The following CA10 variants were observed in gnomAD, a reference collection of about 807,000 sequenced individuals.
The protein encoded by CA10 is carbonic anhydrase 10 (inactive), also known as carbonic anhydrase-related protein 10.
CA10 carries 14 observed loss-of-function variants against 44.2 expected under a neutral mutation model. The ratio of observed to expected loss-of-function variants is 0.32; its 90% CI spans 0.21 to 0.50. The LOEUF (loss-of-function observed/expected upper bound fraction) is 0.50. Ranked by LOEUF, CA10 falls within the 20% of genes least tolerant of loss-of-function variation. The pLI is 0.99. For synonymous variants in CA10, 159 were observed against 141.6 expected, an observed-to-expected ratio of 1.12 and a Z score of -0.87; for missense variants, 350 against 409.7, an observed-to-expected ratio of 0.85 and a Z score of 1.26.
chr17:51,978,094 T>C (rs1308232946), intron 2 of CA10, among the ~76,000 whole-genome samples: 1 of 152,148 alleles, frequency 6.6e-6, no homozygotes, highest in Non-Finnish European at 1.5e-5. Context: ...AAGTCTTTTA[T>C]CTTTAAATAG....
chr17:51,727,596 TA>T (rs1046643847), intron 4 of CA10, among the ~76,000 whole-genome samples: 1 of 152,190 alleles, frequency 6.6e-6, no homozygotes, highest in Non-Finnish European at 1.5e-5. Context: ...TCTCCTATTC[TA>T]AAAATCAAAA....
At chr17:51,633,780 C>G (rs1467980636) in intron 7 of CA10, 130 bp from the exon 8 acceptor site, 3 of 937,622 alleles carry the variant, frequency 3.2e-6, no homozygotes, top group Admixed American at 2.9e-5. Context: ...ATAAGCCCCA[C>G]AGAGTCCCTT....
intron 3 of CA10, among the ~76,000 whole-genome samples, chr17:51,844,608 C>G (rs1409635830): frequency 1.3e-5 from 2 of 152,202 alleles, no homozygotes; most frequent in African/African-American, 4.8e-5. Flanking sequence ...ATATTCTTAT[C>G]TCTTTTCACT....
chr17:51,687,923 G>C (rs1915059757), intron 4 of CA10, among the ~76,000 whole-genome samples: 1 of 152,118 alleles, frequency 6.6e-6, no homozygotes, highest in East Asian at 1.9e-4. Context: ...GCTCCTGTGT[G>C]GTTCCCTCTC....
intron 1 of CA10, among the ~76,000 whole-genome samples, chr17:52,135,733 T>C (rs1989343070): frequency 6.6e-6 from 1 of 152,192 alleles, no homozygotes. Flanking sequence ...CATTCTTCAG[T>C]TGATACTTGT....
At chr17:51,704,838 C>A (rs1358917449) in intron 4 of CA10, among the ~76,000 whole-genome samples, 3 of 152,028 alleles carry the variant, frequency 2.0e-5, no homozygotes, top group African/African-American at 7.3e-5. Context: ...TGGCATGCAC[C>A]TGTAATCCCA....
chr17:52,034,937 T>A (rs377243973), intron 2 of CA10, among the ~76,000 whole-genome samples: 3 of 152,086 alleles, frequency 2.0e-5, no homozygotes, highest in African/African-American at 7.2e-5. Flanking sequence ...TAACTTTGAT[T>A]ACAAGGTAGA....
intron 2 of CA10, among the ~76,000 whole-genome samples, chr17:51,955,285 TC>T (rs1479135673): frequency 6.6e-6 from 1 of 152,140 alleles, no homozygotes; most frequent in East Asian, 1.9e-4. Flanking sequence ...TCAACTCATC[TC>T]TACCATCCTT....
intron 4 of CA10, among the ~76,000 whole-genome samples, chr17:51,723,252 G>A (rs1242991175): frequency 6.6e-6 from 1 of 152,188 alleles, no homozygotes; most frequent in Admixed American, 6.5e-5. Context: ...TAGTTGGTGG[G>A]AGAACTTGAA....
chr17:51,754,560 G>A (rs912699098), intron 3 of CA10, among the ~76,000 whole-genome samples: 1 of 151,192 alleles, frequency 6.6e-6, no homozygotes, highest in Non-Finnish European at 1.5e-5. Context: ...ACCTCTGAAG[G>A]TACCCTGCAG....
chr17:51,914,049 AG>A (rs1981892620), intron 3 of CA10, among the ~76,000 whole-genome samples: 1 of 152,166 alleles, frequency 6.6e-6, no homozygotes, highest in Admixed American at 6.5e-5. Flanking sequence ...AAACAGAGAC[AG>A]GCCATTTACA....
At chr17:51,951,009 T>C (rs919223643) in intron 2 of CA10, among the ~76,000 whole-genome samples, 16 of 152,160 alleles carry the variant, frequency 1.1e-4, no homozygotes, top group African/African-American at 3.9e-4. Context: ...GCACATTCCA[T>C]TTTGGAAATC....
intron 3 of CA10, among the ~76,000 whole-genome samples, chr17:51,876,345 C>CT (rs767472733): frequency 0.12 from 14,338 of 123,640 alleles, 999 homozygotes; most frequent in African/African-American, 0.2. Context: ...TTTTTTTCAT[C>CT]TTTTTTTTTT....
chr17:51,696,809 T>C (rs917947486), intron 4 of CA10, among the ~76,000 whole-genome samples: 2 of 152,188 alleles, frequency 1.3e-5, no homozygotes, highest in African/African-American at 4.8e-5. Flanking sequence ...TTTCAATGAA[T>C]TGTTGGACCT....
chr17:52,081,252 A>C (rs1987968015), intron 1 of CA10, among the ~76,000 whole-genome samples: 1 of 152,226 alleles, frequency 6.6e-6, no homozygotes, highest in African/African-American at 2.4e-5. Flanking sequence ...ACACTTAATC[A>C]GAGATTTAAA....
At chr17:51,747,582 C>T in intron 4 of CA10, 51 bp downstream of exon 4, 1 of 1,460,724 alleles carries the variant, frequency 6.8e-7, no homozygotes, top group Non-Finnish European at 9.3e-7. Context: ...AAACAGGCAC[C>T]CAATCTTATA....
chr17:52,100,740 C>G (rs1333508677), intron 1 of CA10, among the ~76,000 whole-genome samples: 1 of 152,144 alleles, frequency 6.6e-6, no homozygotes, highest in Non-Finnish European at 1.5e-5. Flanking sequence ...CACTCCTCCT[C>G]CAAGGAACAT....
chr17:51,717,656 C>CACAT (rs1442552331), intron 4 of CA10, among the ~76,000 whole-genome samples: 1 of 25,668 alleles, frequency 3.9e-5, no homozygotes, highest in Non-Finnish European at 8.4e-5. Flanking sequence ...TACATATATA[C>CACAT]GTATATATAC....
At chr17:51,718,964 G>A (rs1916268664) in intron 4 of CA10, among the ~76,000 whole-genome samples, 1 of 152,072 alleles carries the variant, frequency 6.6e-6, no homozygotes, top group Admixed American at 6.5e-5. Context: ...TCTACTTATA[G>A]CACAGCATCA....
Sources: allele counts gnomAD v4.1 joint callset (sites outside exome capture counted in the v4.1 genomes callset), GRCh38; gene constraint gnomAD v4.1.1; transcripts MANE v1.5; gene names NCBI Gene and HGNC (gene_info 2026-07-23, HGNC 2026-07-21).